TUBGCP2: variants seen among roughly 807,000 people sequenced by gnomAD.
TUBGCP2 encodes the protein tubulin gamma complex component 2.
Under a neutral mutation model 92.2 loss-of-function variants are expected in TUBGCP2, and 55 were observed. The observed-to-expected ratio is 0.60, with a 90% CI of 0.48 to 0.75. The LOEUF is 0.75. Ranked by LOEUF, TUBGCP2 falls within the 30% of genes least tolerant of loss-of-function variation. The pLI is 0.00. For synonymous variants in TUBGCP2, 533 were observed against 505.2 expected (o/e 1.06, Z -0.74); for missense variants, 1,093 against 1,188.9 (o/e 0.92, Z 1.19).
At chr10:133,293,957 C>T (rs1250051810) in intron 5 of TUBGCP2, among the ~76,000 whole-genome samples, 188 bp from the exon 6 acceptor site, 3 of 152,242 alleles carry the variant, frequency 2.0e-5, no homozygotes, top group African/African-American at 2.4e-5. Flanking sequence ...CGCCGCAGGA[C>T]GGGGCCGGCC....
Position 133,288,844 on chromosome 10 carries a change from G to A in TUBGCP2, c.1537C>T (p.Leu513Phe). The change falls in exon 10 of 18, where the codon CTC (leucine) becomes TTC (phenylalanine). Residue 513 changes from leucine to phenylalanine, a missense_variant. Coordinates refer to ENST00000252936, the MANE Select transcript of TUBGCP2 (RefSeq NM_006659.4). Reference protein sequence around the residue: ...LMEEKELVAHLRSIKRYFLMD... With the variant: ...LMEEKELVAHFRSIKRYFLMD... ...AGGGACAGGGCACGGAATCACCTGAGGTGAGCCACCAGCTCCTTCTCCTCC... is the reference window on the plus strand; with the variant it reads ...AGGGACAGGGCACGGAATCACCTGAAGTGAGCCACCAGCTCCTTCTCCTCC... 3.1e-6 allele frequency: 5 copies of A among 1,609,266 alleles called. No homozygotes were observed. Among genetic ancestry groups the A allele is most frequent in the Non-Finnish European group, 4.2e-6 (5 of 1,177,390 alleles).
At chr10:133,294,621 CT>C (rs1168972072) in intron 5 of TUBGCP2, among the ~76,000 whole-genome samples, 3 of 150,812 alleles carry the variant, frequency 2.0e-5, no homozygotes, top group African/African-American at 7.3e-5. Flanking sequence ...TTTTTTTTTC[CT>C]TTTTTTATTT....
chr10:133,303,064 T>A, intron 1 of TUBGCP2, 84 bp from the exon 2 acceptor site: 1 of 1,297,992 alleles, frequency 7.7e-7, no homozygotes, highest in Non-Finnish European at 1.1e-6. Flanking sequence ...CTGGCCAATG[T>A]CAGGCTTTGA....
intron 5 of TUBGCP2, among the ~76,000 whole-genome samples, chr10:133,294,123 T>G (rs768091436): frequency 2.0e-5 from 3 of 152,264 alleles, no homozygotes; most frequent in Non-Finnish European, 4.4e-5. Flanking sequence ...TTGGTAAGTC[T>G]GAGTTACTCT....
chr10:133,299,620 C>T lies in TUBGCP2; in HGVS notation c.280-17G>A. 1 of 1,589,372 alleles carries T rather than the reference C, an allele frequency of 6.3e-7. No individual in the cohort carries two copies. Among genetic ancestry groups the T allele is most frequent in the East Asian group, 2.3e-5 (1 of 44,390 alleles). On this transcript the variant is annotated splice_polypyrimidine_tract_variant and intron_variant, in intron 3 of 17. Transcript: ENST00000252936. Reference sequence around the variant, plus strand: ...CTGCAGAGTCTGAAAACATGTAAAACTGTGTGTTCACACTGGGCCAGCACC... The same window carrying T: ...CTGCAGAGTCTGAAAACATGTAAAATTGTGTGTTCACACTGGGCCAGCACC...
Position 133,299,986 on chromosome 10 carries a change from T to C in TUBGCP2, c.278A>G (p.Glu93Gly). ...GTGGCACGTGGCATGGGCACCTACC[T>C]CTTTGTCTTCCGTGAGCTTTGACAA... ...YLLSKLTEDK[E>G]TLQYLQQNAK... Residue 93 changes from glutamate (E) to glycine (G), a missense_variant and splice_region_variant, in exon 3 of 18, where the codon GAG (glutamate) becomes GGG (glycine). Glu to Gly is a moderately conservative substitution (Grantham distance 98). Coordinates refer to ENST00000252936, the MANE Select transcript of TUBGCP2 (RefSeq NM_006659.4). 6.2e-7 allele frequency: 1 copy of C among 1,613,978 alleles called. No individual in the cohort carries two copies. Among genetic ancestry groups the C allele is most frequent in the Non-Finnish European group, 8.5e-7 (1 of 1,179,906 alleles).
chr10:133,287,300 G>C (rs946066723), intron 11 of TUBGCP2, among the ~76,000 whole-genome samples: 1 of 152,136 alleles, frequency 6.6e-6, no homozygotes, highest in Non-Finnish European at 1.5e-5. Context: ...AGAGCTCCCA[G>C]GCAAACCCTG....
chr10:133,282,147 C>G, intron 16 of TUBGCP2, 76 bp downstream of exon 16: 1 of 1,602,330 alleles, frequency 6.2e-7, no homozygotes, highest in Admixed American at 1.7e-5. Context: ...GTTTGTTCTC[C>G]CTGCGTCAGG....
At chr10:133,298,816 G>A (rs536700215) in intron 4 of TUBGCP2, among the ~76,000 whole-genome samples, 1 of 152,362 alleles carries the variant, frequency 6.6e-6, no homozygotes, top group South Asian at 2.1e-4. Context: ...TGCCCAGCAA[G>A]AACCGGCTGG....
chr10:133,283,366 T>G (rs1847039215), intron 14 of TUBGCP2, 145 bp from the exon 15 acceptor site: 4 of 1,180,820 alleles, frequency 3.4e-6, no homozygotes, highest in Admixed American at 2.6e-5. Flanking sequence ...AGGGGAAAAC[T>G]TCCAAACACC....
At chr10:133,298,703 G>A (rs541441577) in intron 4 of TUBGCP2, among the ~76,000 whole-genome samples, 3 of 152,374 alleles carry the variant, frequency 2.0e-5, no homozygotes, top group South Asian at 4.1e-4. Flanking sequence ...TCAGGGACAC[G>A]GGCAGATGCA....
Position 133,301,752 on chromosome 10 carries a change from G to A in TUBGCP2, c.150+1040C>T, listed in dbSNP as rs1341728459. Reference sequence around the variant, plus strand: ...TTTTGAGACAGAGTCTCACTCTGACGCCCAGGCTGGAATGCAGTGGCACGA... The same window carrying A: ...TTTTGAGACAGAGTCTCACTCTGACACCCAGGCTGGAATGCAGTGGCACGA... On this transcript the variant is annotated intron_variant, in intron 2 of 17. Transcript: ENST00000252936. 9 of 103,120 alleles carry A rather than the reference G, an allele frequency of 8.7e-5. 1 individual carries two copies. The highest frequency in any genetic ancestry group is 3.2e-4 in the East Asian group (1 of 3,168). 6.4% of individuals were successfully genotyped at this position (103,120 alleles called of 1,614,324 possible). A position where few individuals can be genotyped will look rare whatever the true frequency, so the allele number is the denominator to read the frequency against.
At chr10:133,307,737 A>G (rs2136146237) in intron 1 of TUBGCP2, among the ~76,000 whole-genome samples, 1 of 152,190 alleles carries the variant, frequency 6.6e-6, no homozygotes, top group Middle Eastern at 3.4e-3. Flanking sequence ...AGAGAGAGAC[A>G]CTATCTCCAA....
In TUBGCP2 at chr10:133,285,040, G is replaced by T; in HGVS notation, c.2024+45C>A. On this transcript the variant is annotated intron_variant, in intron 13 of 17. Transcript: ENST00000252936. The surrounding 1 kb of genome is among the most constrained non-coding windows in gnomAD (Gnocchi z 6.8). The stretch of plus-strand genomic sequence containing the variant: ...GCTGCACCACTGGGCAGAGTGCAGC[G>T]AGCGCTGCTTCAGGAGGGCATGCGG... 1.3e-6 allele frequency: 2 copies of T among 1,562,068 alleles called. No individual in the cohort carries two copies. Among genetic ancestry groups the T allele is most frequent in the South Asian group, 2.4e-5 (2 of 83,942 alleles).
chr10:133,310,412 C>T, upstream of TUBGCP2: 7 of 1,215,342 alleles, frequency 5.8e-6, no homozygotes, highest in Admixed American at 2.3e-5. Context: ...GGGTGTTCAC[C>T]TGCAGGTACC....
chr10:133,286,589 G>A (rs1847139001), intron 11 of TUBGCP2, among the ~76,000 whole-genome samples: 1 of 151,916 alleles, frequency 6.6e-6, no homozygotes, highest in Admixed American at 6.6e-5. Flanking sequence ...CGCGCGCACG[G>A]AACCGAGGGC....
At chr10:133,303,164 G>C (rs1370428571) in intron 1 of TUBGCP2, among the ~76,000 whole-genome samples, 184 bp from the exon 2 acceptor site, 2 of 151,996 alleles carry the variant, frequency 1.3e-5, no homozygotes, top group Non-Finnish European at 2.9e-5. Context: ...ATGGGCCTGG[G>C]ATTAGGGCCC....
chr10:133,291,334 GTCCGTGTCCCCCATGTCCC>G (rs1384342729), intron 8 of TUBGCP2, among the ~76,000 whole-genome samples: 6 of 11,708 alleles, frequency 5.1e-4, no homozygotes, highest in African/African-American at 2.7e-3. Context: ...AGCATGCACC[GTCCGTGTCCCCCATGTCCC>G]TCCGTGTCCC....
In TUBGCP2 at chr10:133,285,588, C is replaced by A. The variant is rs1195042548; in HGVS notation, c.1763G>T (p.Arg588Leu). 5 of 1,544,598 alleles carry A rather than the reference C, an allele frequency of 3.2e-6. No homozygotes were observed. Among genetic ancestry groups the A allele is most frequent in the Non-Finnish European group, 4.4e-6 (5 of 1,143,744 alleles). The change falls in exon 12 of 18, where the codon CGC becomes CTC. Residue 588 changes from arginine (R) to leucine (L), a missense_variant. This residue lies in a region of TUBGCP2 where 598 missense variants were observed against 675.5 expected (regional missense o/e 0.89). Transcript: ENST00000252936. This position sits in a 1 kb window ranked among gnomAD's most constrained non-coding sequence, Gnocchi z 6.8. ...CTGCTTGGTCTCGATGGCCAGGACG[C>A]GCAAGAGCTGAGTGATGAGGTCATG... is the stretch of plus-strand genomic sequence containing the variant. ...MPHDLITQLL[R>L]VLAIETKQEK...
Sources: gnomAD v4.1 joint callset for allele counts (sites outside exome capture counted in the v4.1 genomes callset) on GRCh38, gnomAD v4.1.1 for gene constraint, gnomAD v4.1.1 regional missense constraint, Gnocchi (gnomAD v3.1) non-coding constraint, MANE v1.5 for transcripts, NCBI Gene and HGNC (gene_info 2026-07-23, HGNC 2026-07-21) for gene names.